IGSF3: variants seen among roughly 807,000 people sequenced by gnomAD.
The protein encoded by IGSF3 is glu-Trp-Ile EWI motif-containing protein 3.
In IGSF3, 23 loss-of-function variants were observed where a neutral mutation model predicts 114.4. That is an observed-to-expected ratio of 0.20 (90% confidence interval 0.14 to 0.28). The LOEUF (loss-of-function observed/expected upper bound fraction) is 0.28. Ranked by LOEUF, IGSF3 falls within the 10% of genes least tolerant of loss-of-function variation. The probability of loss-of-function intolerance (pLI) is 1.00; values close to 1 mark genes in which losing one functional copy is unlikely to be tolerated. For missense variants in IGSF3, 1,172 were observed against 1,591.5 expected (o/e 0.74, Z 4.48); for synonymous variants, 571 against 645.2 (o/e 0.88, Z 1.74).
Position 116,665,995 on chromosome 1 carries a change from G to C in IGSF3, c.43+289C>G, listed in dbSNP as rs955038457. Among the ~76,000 whole-genome samples, 2 of 152,184 alleles carry C rather than the reference G, an allele frequency of 1.3e-5. No individual in the cohort carries two copies. Among genetic ancestry groups the C allele is most frequent in the African/African-American group, 4.8e-5 (2 of 41,446 alleles). Reference sequence around the variant, plus strand: ...CAAGACAGCAGCCCACCAGCCATGTGAAGTCCCTAAACCACAGATGTGCAG... The same window carrying C: ...CAAGACAGCAGCCCACCAGCCATGTCAAGTCCCTAAACCACAGATGTGCAG... On this transcript the variant is annotated intron_variant, in intron 2 of 10. Coordinates refer to ENST00000369486, the MANE Select transcript of IGSF3 (RefSeq NM_001007237.3). This position sits in a 1 kb window ranked among gnomAD's most constrained non-coding sequence, Gnocchi z 4.0.
chr1:116,667,067 C>G (rs1015475765), intron 1 of IGSF3, 111 bp from the exon 2 acceptor site: 57 of 385,476 alleles, frequency 1.5e-4, no homozygotes, highest in Non-Finnish European at 2.3e-4. Context: ...CCAGGACAGT[C>G]AACCTCTGCA....
chr1:116,597,953 T>C (rs1660411561), intron 7 of IGSF3, among the ~76,000 whole-genome samples: 1 of 151,990 alleles, frequency 6.6e-6, no homozygotes, highest in Non-Finnish European at 1.5e-5. Flanking sequence ...AAAACATGAG[T>C]AAAGCACTAA....
rs1218610844 is a variant in IGSF3 at position 116,629,237 on chromosome 1, T to C, written c.44-12780A>G. ...AAAATGCTGAAAGCACACTACTAAGTAAAAGGGGAGAAAGGCTATAAAAGG... is the reference window on the plus strand; with the variant it reads ...AAAATGCTGAAAGCACACTACTAAGCAAAAGGGGAGAAAGGCTATAAAAGG... On this transcript the variant is annotated intron_variant, in intron 2 of 10. Transcript: ENST00000369486. The surrounding 1 kb of genome is among the most constrained non-coding windows in gnomAD (Gnocchi z 4.3). Among the ~76,000 whole-genome samples, 4 of 151,828 alleles carry C rather than the reference T, an allele frequency of 2.6e-5. No individual in the cohort carries two copies. The highest frequency in any genetic ancestry group is 9.7e-5 in the African/African-American group (4 of 41,286).
rs1049697912 is a variant in IGSF3 at position 116,650,540 on chromosome 1, G to A, written c.43+15744C>T. Among the ~76,000 whole-genome samples, 2 of 152,310 alleles carry A rather than the reference G, an allele frequency of 1.3e-5. No individual in the cohort carries two copies. The highest frequency in any genetic ancestry group is 2.9e-5 in the Non-Finnish European group (2 of 68,024). On this transcript the variant is annotated intron_variant, in intron 2 of 10. Transcript: ENST00000369486. The surrounding 1 kb of genome is among the most constrained non-coding windows in gnomAD (Gnocchi z 5.0). ...CACGTACCCTAGAGCTGGAGGCAGG[G>A]TCACCTTTCCTTGAGTGGCATGTGG...
chr1:116,640,560 C>CT (rs901583313), intron 2 of IGSF3, among the ~76,000 whole-genome samples: 3 of 152,154 alleles, frequency 2.0e-5, no homozygotes, highest in Non-Finnish European at 2.9e-5. Flanking sequence ...CCTTTTGCAT[C>CT]TTTTTTTATT....
Position 116,629,863 on chromosome 1 carries a change from G to A in IGSF3, c.44-13406C>T, listed in dbSNP as rs1046843632. Among the ~76,000 whole-genome samples, 5 of 152,204 alleles carry A rather than the reference G, an allele frequency of 3.3e-5. No individual in the cohort carries two copies. Among genetic ancestry groups the A allele is most frequent in the Non-Finnish European group, 4.4e-5 (3 of 68,016 alleles). ...GTTGATCCCTTCCAAGCCTTCTAACGCATCTCTTCTCTTGCTTCTTCCAAT... is the reference window on the plus strand; with the variant it reads ...GTTGATCCCTTCCAAGCCTTCTAACACATCTCTTCTCTTGCTTCTTCCAAT... On this transcript the variant is annotated intron_variant, in intron 2 of 10. Coordinates refer to ENST00000369486, the MANE Select transcript of IGSF3 (RefSeq NM_001007237.3). This position sits in a 1 kb window ranked among gnomAD's most constrained non-coding sequence, Gnocchi z 4.3.
chr1:116,657,496 C>T lies in IGSF3; in HGVS notation c.43+8788G>A, dbSNP rs1022986130. Reference sequence around the variant, plus strand: ...CTTTGGTCATCCGCAACCCAGACCACTAGACTAATTTTGCTTTAGAACTGG... The same window carrying T: ...CTTTGGTCATCCGCAACCCAGACCATTAGACTAATTTTGCTTTAGAACTGG... On this transcript the variant is annotated intron_variant, in intron 2 of 10. Transcript: ENST00000369486. The surrounding 1 kb of genome is among the most constrained non-coding windows in gnomAD (Gnocchi z 4.2). Among the ~76,000 whole-genome samples, 5 of 152,174 alleles carry T rather than the reference C, an allele frequency of 3.3e-5. No homozygotes were observed. The highest frequency in any genetic ancestry group is 1.2e-4 in the African/African-American group (5 of 41,438).
At chr1:116,601,906 A>G (rs1330913056) in intron 6 of IGSF3, among the ~76,000 whole-genome samples, 3 of 152,202 alleles carry the variant, frequency 2.0e-5, no homozygotes, top group African/African-American at 7.2e-5. Flanking sequence ...AGCTTCCCCA[A>G]GCAAATGACT....
At chr1:116,643,282 C>G (rs1648190725) in intron 2 of IGSF3, among the ~76,000 whole-genome samples, 1 of 152,190 alleles carries the variant, frequency 6.6e-6, no homozygotes, top group African/African-American at 2.4e-5. Flanking sequence ...GTGCTCTTAC[C>G]CCTCCCACGC....
Position 116,642,779 on chromosome 1 carries a change from C to T in IGSF3, c.43+23505G>A, listed in dbSNP as rs527574161. On this transcript the variant is annotated intron_variant, in intron 2 of 10. Coordinates refer to ENST00000369486, the MANE Select transcript of IGSF3 (RefSeq NM_001007237.3). The surrounding 1 kb of genome is among the most constrained non-coding windows in gnomAD (Gnocchi z 5.4). ...AGTATCATCAATCACCGCTGCTGCT[C>T]GCTGGGACTTGGAAGCACACAGTAG... 6.6e-5 allele frequency among the ~76,000 whole-genome samples: 10 copies of T among 152,346 alleles called. No homozygotes were observed. Among genetic ancestry groups the T allele is most frequent in the African/African-American group, 2.2e-4 (9 of 41,578 alleles).
chr1:116,666,427 T>C lies in IGSF3; in HGVS notation c.-101A>G. The C allele has an allele frequency of 9.0e-7, 1 of 1,112,080 alleles. No homozygotes were observed. The highest frequency in any genetic ancestry group is 1.4e-6 in the Non-Finnish European group (1 of 726,668). 68.9% of individuals were successfully genotyped at this position (1,112,080 alleles called of 1,614,324 possible). A position where few individuals can be genotyped will look rare whatever the true frequency, so the allele number is the denominator to read the frequency against. On this transcript the variant is annotated 5_prime_UTR_variant, in exon 2 of 11. Coordinates refer to ENST00000369486, the MANE Select transcript of IGSF3 (RefSeq NM_001007237.3). ...CACTTATAGCTCCAGAGAACAGTTT[T>C]GGAAATAGAACTTAACTCGGAAAAT... is the stretch of plus-strand genomic sequence containing the variant.
In IGSF3 at chr1:116,649,412, C is replaced by G. The variant is rs1305910404; in HGVS notation, c.43+16872G>C. On this transcript the variant is annotated intron_variant, in intron 2 of 10. Coordinates refer to ENST00000369486, the MANE Select transcript of IGSF3 (RefSeq NM_001007237.3). This position sits in a 1 kb window ranked among gnomAD's most constrained non-coding sequence, Gnocchi z 4.5. ...GGCCTCTCATTCCCAAAGTCTAGCCCTATTTTCAAATGAATTCAACGCCTC... is the reference window on the plus strand; with the variant it reads ...GGCCTCTCATTCCCAAAGTCTAGCCGTATTTTCAAATGAATTCAACGCCTC... Among the ~76,000 whole-genome samples, 6 of 152,230 alleles carry G rather than the reference C, an allele frequency of 3.9e-5. No individual in the cohort carries two copies. The highest frequency in any genetic ancestry group is 7.3e-5 in the Non-Finnish European group (5 of 68,048).
rs922907848 is a variant in IGSF3 at position 116,584,737 on chromosome 1, T to C, written c.2756A>G (p.His919Arg). The change falls in exon 9 of 11, where the codon CAT becomes CGT. Residue 919 changes from histidine to arginine, a missense_variant. By Grantham distance (29) the His-to-Arg change is conservative (BLOSUM62 0). Transcript: ENST00000369486. This position sits in a 1 kb window ranked among gnomAD's most constrained non-coding sequence, Gnocchi z 5.8. ...GGGGCTGGGCAGCCACTCCTCCACATGGCAGCTGTAGGTCCCGCTGTCCTG... is the reference window on the plus strand; with the variant it reads ...GGGGCTGGGCAGCCACTCCTCCACACGGCAGCTGTAGGTCCCGCTGTCCTG... ...AVQDSGTYSC[H>R]VEEWLPSPSG... 1.9e-6 allele frequency: 3 copies of C among 1,613,686 alleles called. No individual in the cohort carries two copies. The highest frequency in any genetic ancestry group is 1.7e-5 in the Admixed American group (1 of 60,018).
At position 116,628,922 on chromosome 1, in the gene IGSF3, C is replaced by T. The variant is rs1647428256; in HGVS notation, c.44-12465G>A. Among the ~76,000 whole-genome samples the T allele has an allele frequency of 6.6e-6, 1 of 152,166 alleles. No homozygotes were observed. The highest frequency in any genetic ancestry group is 2.4e-5 in the African/African-American group (1 of 41,430). On this transcript the variant is annotated intron_variant, in intron 2 of 10. Coordinates refer to ENST00000369486, the MANE Select transcript of IGSF3 (RefSeq NM_001007237.3). The surrounding 1 kb of genome is among the most constrained non-coding windows in gnomAD (Gnocchi z 4.2). Reference sequence around the variant, plus strand: ...TAGGGAGGCACAGATAAGCCAGCATCACAGATGCAAAAATAACAGAACTGT... The same window carrying T: ...TAGGGAGGCACAGATAAGCCAGCATTACAGATGCAAAAATAACAGAACTGT...
rs375358214 is a variant in IGSF3, at chr1:116,614,225, G to A, written c.422-50C>T. 1.1e-4 allele frequency: 170 copies of A among 1,494,614 alleles called. No homozygotes were observed. In the Middle Eastern group the frequency reaches 1.9e-3, roughly 17 times the overall value. 92.6% of individuals were successfully genotyped at this position (1,494,614 alleles called of 1,614,324 possible). A position where few individuals can be genotyped will look rare whatever the true frequency, so the allele number is the denominator to read the frequency against. On this transcript the variant is annotated intron_variant, in intron 3 of 10. Transcript: ENST00000369486. The surrounding 1 kb of genome is among the most constrained non-coding windows in gnomAD (Gnocchi z 4.5). The stretch of plus-strand genomic sequence containing the variant: ...GTGCAGTCACAAAGCCACAGAATCT[G>A]AGACTCCCAGGGCTAAGCTCCCATT...
rs1208719259 is a variant in IGSF3, at chr1:116,648,370, A to G, written c.43+17914T>C. On this transcript the variant is annotated intron_variant, in intron 2 of 10. Coordinates refer to ENST00000369486, the MANE Select transcript of IGSF3 (RefSeq NM_001007237.3). This position sits in a 1 kb window ranked among gnomAD's most constrained non-coding sequence, Gnocchi z 4.7. ...GAGTTGAGGTGTTCGGTTAGAGAAG[A>G]AACAGGATGCACGGGAGATCACACA... Among the ~76,000 whole-genome samples, 1 of 152,152 alleles carries G rather than the reference A, an allele frequency of 6.6e-6. No homozygotes were observed. The highest frequency in any genetic ancestry group is 2.4e-5 in the African/African-American group (1 of 41,434).
Position 116,594,710 on chromosome 1 carries a change from C to T in IGSF3, c.2029+5231G>A, listed in dbSNP as rs1483531821. Among the ~76,000 whole-genome samples, 2 of 152,294 alleles carry T rather than the reference C, an allele frequency of 1.3e-5. No homozygotes were observed. Among genetic ancestry groups the T allele is most frequent in the East Asian group, 3.9e-4 (2 of 5,176 alleles). ...CACCCTCACCCCATGCTCCCATGTA[C>T]AAAAGGGACTTCTTGATCCCTGCCA... is the stretch of plus-strand genomic sequence containing the variant. On this transcript the variant is annotated intron_variant, in intron 7 of 10. Coordinates refer to ENST00000369486, the MANE Select transcript of IGSF3 (RefSeq NM_001007237.3). This position sits in a 1 kb window ranked among gnomAD's most constrained non-coding sequence, Gnocchi z 5.2.
In IGSF3 at chr1:116,595,326, G is replaced by C. The variant is rs1660298048; in HGVS notation, c.2029+4615C>G. 6.6e-6 allele frequency among the ~76,000 whole-genome samples: 1 copy of C among 152,066 alleles called. No individual in the cohort carries two copies. The highest frequency in any genetic ancestry group is 6.5e-5 in the Admixed American group (1 of 15,272). ...CTTGCACTGACACCCATTCTATCTT[G>C]GCACAGACAACAGGCAGAAGCCACC... On this transcript the variant is annotated intron_variant, in intron 7 of 10. Coordinates refer to ENST00000369486, the MANE Select transcript of IGSF3 (RefSeq NM_001007237.3). This position sits in a 1 kb window ranked among gnomAD's most constrained non-coding sequence, Gnocchi z 4.2.
At chr1:116,658,024 G>GTT (rs200847453) in intron 2 of IGSF3, among the ~76,000 whole-genome samples, 1 of 143,938 alleles carries the variant, frequency 6.9e-6, no homozygotes, top group Admixed American at 6.9e-5. Flanking sequence ...TCTGATTATG[G>GTT]TTTTTTTTTT....
Sources: allele counts gnomAD v4.1 joint callset (sites outside exome capture counted in the v4.1 genomes callset), GRCh38; gene constraint gnomAD v4.1.1; non-coding constraint Gnocchi (gnomAD v3.1); transcripts MANE v1.5; gene names NCBI Gene and HGNC (gene_info 2026-07-23, HGNC 2026-07-21).